TAOK2: variants seen among roughly 807,000 people sequenced by gnomAD.
TAOK2 encodes the protein TAO kinase 2, also known as serine/threonine-protein kinase TAO2.
In TAOK2, 42 loss-of-function variants were observed where a neutral mutation model predicts 122.5. The observed-to-expected ratio is 0.34, with a 90% confidence interval of 0.27 to 0.44. The LOEUF is 0.44. Ranked by LOEUF, TAOK2 falls within the 20% of genes least tolerant of loss-of-function variation. The pLI is 1.00. For missense variants in TAOK2, 1,264 were observed against 1,644.9 expected (o/e 0.77, Z 4.01); for synonymous variants, 704 against 677.6 (o/e 1.04, Z -0.61).
At position 29,987,739 on chromosome 16, in the gene TAOK2, G is replaced by A; in HGVS notation, c.3467G>A (p.Gly1156Asp). The A allele has an allele frequency of 6.2e-7, 1 of 1,614,088 alleles. No individual in the cohort carries two copies. The highest frequency in any genetic ancestry group is 1.1e-5 in the South Asian group (1 of 91,092). ...LLARVWVLCK[G>D]WNWRLARASQ... is the part of the protein sequence containing the mutation. ...GCAAGGGTCTGGGTCCTGTGCAAGG[G>A]CTGGAACTGGCGTCTGGCACGGGCC... The change falls in exon 16 of 16, where the codon GGC (glycine) becomes GAC (aspartate). Residue 1156 changes from glycine to aspartate, a missense_variant. Physicochemically the swap from Gly to Asp is moderately conservative, Grantham distance 94. Transcript: ENST00000308893.
chr16:29,974,977 G>T (rs756680039), intron 1 of TAOK2, among the ~76,000 whole-genome samples: 5 of 152,092 alleles, frequency 3.3e-5, no homozygotes, highest in African/African-American at 4.8e-5. Context: ...TCTCCTCCCT[G>T]ATATGTCCCG....
At position 29,985,110 on chromosome 16, in the gene TAOK2, A is replaced by G. The variant is rs1399131950; in HGVS notation, c.1423-103A>G. On this transcript the variant is annotated intron_variant, in intron 13 of 15. Coordinates refer to ENST00000308893, the MANE Select transcript of TAOK2 (RefSeq NM_016151.4). This position sits in a 1 kb window ranked among gnomAD's most constrained non-coding sequence, Gnocchi z 6.9. Reference sequence around the variant, plus strand: ...GAGGAAGGTGTTAAATGAGAATGAAACCCATGAGTTGAAAACCCATGCTCT... The same window carrying G: ...GAGGAAGGTGTTAAATGAGAATGAAGCCCATGAGTTGAAAACCCATGCTCT... The G allele has an allele frequency of 1.5e-6, 2 of 1,367,736 alleles. No individual in the cohort carries two copies. Among genetic ancestry groups the G allele is most frequent in the Non-Finnish European group, 1.9e-6 (2 of 1,049,352 alleles). The allele number at this position is 1,367,736 out of a possible 1,614,324, so 84.7% of individuals were successfully genotyped here.
In TAOK2 at chr16:29,986,782, A is replaced by G; in HGVS notation, c.2510A>G (p.Glu837Gly). Residue 837 changes from glutamate to glycine, a missense_variant, in exon 16 of 16, where the codon GAG (glutamate) becomes GGG (glycine). Glu to Gly is a moderately conservative substitution (Grantham distance 98). Coordinates refer to ENST00000308893, the MANE Select transcript of TAOK2 (RefSeq NM_016151.4). The surrounding 1 kb of genome is among the most constrained non-coding windows in gnomAD (Gnocchi z 4.2). ...CAAAAACATGGGAGCCTGGTTGATGAGGAAGTTTGGGGTCTGCCTGAGGAG... is the reference window on the plus strand; with the variant it reads ...CAAAAACATGGGAGCCTGGTTGATGGGGAAGTTTGGGGTCTGCCTGAGGAG... Reference protein sequence around the residue: ...SPQKHGSLVDEEVWGLPEEIE... With the variant: ...SPQKHGSLVDGEVWGLPEEIE... 1.9e-6 allele frequency: 3 copies of G among 1,613,686 alleles called. No homozygotes were observed. The highest frequency in any genetic ancestry group is 4.5e-5 in the East Asian group (2 of 44,880).
chr16:29,981,979 G>A (rs1213341400), intron 10 of TAOK2, 39 bp downstream of exon 10: 1 of 1,529,532 alleles, frequency 6.5e-7, no homozygotes, highest in Non-Finnish European at 9.0e-7. Flanking sequence ...TGGAACTGTA[G>A]CTTGTTACAG....
intron 10 of TAOK2, 141 bp downstream of exon 10, chr16:29,982,081 T>C (rs2069635356): frequency 3.0e-6 from 2 of 662,244 alleles, no homozygotes; most frequent in South Asian, 1.8e-5. Flanking sequence ...CAATGCCTAG[T>C]GGACTCTGTG....
chr16:29,988,786 C>A, downstream of TAOK2: 1 of 985,350 alleles, frequency 1.0e-6, no homozygotes, highest in Non-Finnish European at 1.2e-6. Flanking sequence ...GGCTGCAGAC[C>A]CTCCACAGTA....
chr16:29,985,716 A>G lies in TAOK2; in HGVS notation c.1847A>G (p.Gln616Arg), dbSNP rs2069765481. ...KREKAEWLLRQKEQLQQCQAE... is the reference protein window; with the variant it reads ...KREKAEWLLRRKEQLQQCQAE... The stretch of plus-strand genomic sequence containing the variant: ...GAGAAGGCCGAGTGGCTGCTGCGGC[A>G]GAAGGAGCAGCTCCAGCAGTGCCAG... Residue 616 changes from glutamine (Q) to arginine (R), a missense_variant, in exon 15 of 16, where the codon CAG (glutamine) becomes CGG (arginine). Gln to Arg is a conservative substitution (Grantham distance 43). Coordinates refer to ENST00000308893, the MANE Select transcript of TAOK2 (RefSeq NM_016151.4). This position sits in a 1 kb window ranked among gnomAD's most constrained non-coding sequence, Gnocchi z 6.9. 6.2e-7 allele frequency: 1 copy of G among 1,608,334 alleles called. No homozygotes were observed. Among genetic ancestry groups the G allele is most frequent in the Non-Finnish European group, 8.5e-7 (1 of 1,178,086 alleles).
rs1259576548 is a variant in TAOK2, at chr16:29,985,148, A to G, written c.1423-65A>G. 6.9e-7 allele frequency: 1 copy of G among 1,443,342 alleles called. No homozygotes were observed. The highest frequency in any genetic ancestry group is 9.1e-7 in the Non-Finnish European group (1 of 1,096,116). The allele number at this position is 1,443,342 out of a possible 1,614,324, so 89.4% of individuals were successfully genotyped here. ...AAACCCATGCTCTTCCCCACGGAAG[A>G]CCCCTTGTGTTAATTAACTAGGGGC... On this transcript the variant is annotated intron_variant, in intron 13 of 15. Coordinates refer to ENST00000308893, the MANE Select transcript of TAOK2 (RefSeq NM_016151.4). This position sits in a 1 kb window ranked among gnomAD's most constrained non-coding sequence, Gnocchi z 6.9.
intron 8 of TAOK2, 126 bp from the exon 9 acceptor site, chr16:29,981,535 C>T: frequency 3.6e-6 from 3 of 829,904 alleles, no homozygotes; most frequent in African/African-American, 1.7e-5. Flanking sequence ...ATGATGGGAA[C>T]TTCTCAAGGT....
rs1424066544 is a variant in TAOK2, at chr16:29,988,366, C to T, written c.*386C>T. On this transcript the variant is annotated 3_prime_UTR_variant, in exon 16 of 16. Coordinates refer to ENST00000308893, the MANE Select transcript of TAOK2 (RefSeq NM_016151.4). ...TCCCCCCACCAAAAAAAGAAAAAGACAAACACAAATAAAATATCTGAGCGG... is the reference window on the plus strand; with the variant it reads ...TCCCCCCACCAAAAAAAGAAAAAGATAAACACAAATAAAATATCTGAGCGG... 3.0e-6 allele frequency: 4 copies of T among 1,345,380 alleles called. No homozygotes were observed. Among genetic ancestry groups the T allele is most frequent in the Non-Finnish European group, 3.9e-6 (4 of 1,026,144 alleles). The allele number at this position is 1,345,380 out of a possible 1,614,324, so 83.3% of individuals were successfully genotyped here.
chr16:29,975,368 C>T (rs2069422815), intron 1 of TAOK2, among the ~76,000 whole-genome samples: 1 of 152,204 alleles, frequency 6.6e-6, no homozygotes. Context: ...TGCCCAAGGT[C>T]ACACAGTGGC....
At chr16:29,988,996 A>G, downstream of TAOK2, 1 of 985,236 alleles carries the variant, frequency 1.0e-6, no homozygotes, top group Non-Finnish European at 1.2e-6. Context: ...GCGGCCCAAA[A>G]TGGGGCAGCC....
chr16:29,985,844 C>G lies in TAOK2; in HGVS notation c.1975C>G (p.Gln659Glu), dbSNP rs779412253. ...KMLLARHSLD[Q>E]DLLREDLNKK... Reference sequence around the variant, plus strand: ...GTTGCTGGCTCGGCACAGCCTGGACCAGGACCTGCTGCGGGAGGTAGGCAT... The same window carrying G: ...GTTGCTGGCTCGGCACAGCCTGGACGAGGACCTGCTGCGGGAGGTAGGCAT... The change falls in exon 15 of 16, where the codon CAG becomes GAG. Residue 659 changes from glutamine (Q) to glutamate (E), a missense_variant. Around this residue, in one of 4 missense-constraint regions of TAOK2, gnomAD observed 824 missense variants for 908.7 expected, o/e 0.91. Transcript: ENST00000308893. The surrounding 1 kb of genome is among the most constrained non-coding windows in gnomAD (Gnocchi z 6.9). The G allele has an allele frequency of 1.4e-5, 22 of 1,611,528 alleles. No individual in the cohort carries two copies. The highest frequency in any genetic ancestry group is 2.5e-6 in the Non-Finnish European group (3 of 1,179,730).
At chr16:29,975,109 T>C (rs1031652441) in intron 1 of TAOK2, among the ~76,000 whole-genome samples, 5 of 152,128 alleles carry the variant, frequency 3.3e-5, no homozygotes, top group African/African-American at 4.8e-5. Context: ...TGTGTGTATA[T>C]GTGTTTGTGT....
At chr16:29,989,579 C>T (rs758070066), downstream of TAOK2, 20 of 1,613,580 alleles carry the variant, frequency 1.2e-5, no homozygotes, top group Non-Finnish European at 1.5e-5. Flanking sequence ...CCCCTTGATC[C>T]GTCCACTGCA....
chr16:29,974,189 C>T lies in TAOK2; in HGVS notation c.-495C>T, dbSNP rs2069381732. On this transcript the variant is annotated 5_prime_UTR_variant, in exon 1 of 16. Coordinates refer to ENST00000308893, the MANE Select transcript of TAOK2 (RefSeq NM_016151.4). ...TCCCAAATTTCCAGGCTTTGCCCCT[C>T]CTCCTTTCTCAGATACCCGGGTAAC... 6.6e-6 allele frequency: 1 copy of T among 152,342 alleles called. No homozygotes were observed. Among genetic ancestry groups the T allele is most frequent in the Admixed American group, 6.5e-5 (1 of 15,286 alleles). The allele number at this position is 152,342 out of a possible 1,614,324, so 9.4% of individuals were successfully genotyped here. A position where few individuals can be genotyped will look rare whatever the true frequency, so the allele number is the denominator to read the frequency against.
intron 8 of TAOK2, chr16:29,981,277 T>C (rs777913353): frequency 7.2e-5 from 37 of 514,192 alleles, no homozygotes; most frequent in Non-Finnish European, 1.4e-5. Flanking sequence ...ATTTAATCTT[T>C]TAGACTGGAG....
In TAOK2 at chr16:29,986,831, C is replaced by T. The variant is rs2069815014; in HGVS notation, c.2559C>T (p.Ser853=). The change falls in exon 16 of 16, where the codon TCC becomes TCT. Residue 853 remains serine (S), a synonymous_variant. Coordinates refer to ENST00000308893, the MANE Select transcript of TAOK2 (RefSeq NM_016151.4). This position sits in a 1 kb window ranked among gnomAD's most constrained non-coding sequence, Gnocchi z 4.2. The part of the protein sequence containing the change: ...PEEIEELRVP[S]LVPQERSIVG... ...AGATAGAGGAGCTTAGGGTGCCCTC[C>T]CTTGTACCCCAGGAGAGGAGCATTG... The T allele has an allele frequency of 1.9e-6, 3 of 1,613,972 alleles. No individual in the cohort carries two copies. The East Asian group carries it at 6.7e-5, about 36-fold the overall frequency.
chr16:29,985,936 T>C lies in TAOK2; in HGVS notation c.1992+75T>C. Reference sequence around the variant, plus strand: ...GACCCACCCTTTTCCATTTTCCTCATTCTTGTCTTCTTTCTCCTTGGCCCT... The same window carrying C: ...GACCCACCCTTTTCCATTTTCCTCACTCTTGTCTTCTTTCTCCTTGGCCCT... On this transcript the variant is annotated intron_variant, in intron 15 of 15. Coordinates refer to ENST00000308893, the MANE Select transcript of TAOK2 (RefSeq NM_016151.4). The surrounding 1 kb of genome is among the most constrained non-coding windows in gnomAD (Gnocchi z 6.9). 1 of 1,506,316 alleles carries C rather than the reference T, an allele frequency of 6.6e-7. No homozygotes were observed. Among genetic ancestry groups the C allele is most frequent in the South Asian group, 1.2e-5 (1 of 82,244 alleles). The allele number at this position is 1,506,316 out of a possible 1,614,324, so 93.3% of individuals were successfully genotyped here.
Sources: allele counts gnomAD v4.1 joint callset (sites outside exome capture counted in the v4.1 genomes callset), GRCh38; gene constraint gnomAD v4.1.1; regional missense constraint gnomAD v4.1.1; non-coding constraint Gnocchi (gnomAD v3.1); transcripts MANE v1.5; gene names NCBI Gene and HGNC (gene_info 2026-07-23, HGNC 2026-07-21).